Variants in LOC128462377 observed in about 807,000 individuals in gnomAD.
the LOC128462377 span, among the ~76,000 whole-genome samples, chr16:89,391,090 C>T: frequency 2.6e-5 from 4 of 151,860 alleles, no homozygotes; most frequent in Admixed American, 6.6e-5. Flanking sequence ...TAGCCGGGCG[C>T]GGTGGTGGGC....
chr16:89,381,354 A>AAAAAAAAAAAAAAAAAAAAAAAAAG, the LOC128462377 span, among the ~76,000 whole-genome samples: 4 of 125,338 alleles, frequency 3.2e-5, no homozygotes, highest in African/African-American at 1.3e-4. Context: ...AAAAAAAAAA[A>AAAAAAAAAAAAAAAAAAAAAAAAAG]GGGGTGAGAA....
the LOC128462377 span, among the ~76,000 whole-genome samples, chr16:89,390,406 G>A: frequency 6.6e-6 from 1 of 152,212 alleles, no homozygotes; most frequent in Admixed American, 6.5e-5. Flanking sequence ...AACCCCGAGT[G>A]TGGCGTGGGT....
chr16:89,335,038 A>G, the LOC128462377 span, among the ~76,000 whole-genome samples: 2 of 152,118 alleles, frequency 1.3e-5, no homozygotes, highest in Non-Finnish European at 2.9e-5. Context: ...GATGTGTGCC[A>G]TTTCCTCCAC....
At chr16:89,394,198 C>T in the LOC128462377 span, among the ~76,000 whole-genome samples, 416 of 152,326 alleles carry the variant, frequency 2.7e-3, 2 homozygotes, top group African/African-American at 9.4e-3. Context: ...AGCCTCTGAC[C>T]TGCTTCCCTC....
At chr16:89,338,177 C>T in the LOC128462377 span, among the ~76,000 whole-genome samples, 13 of 152,286 alleles carry the variant, frequency 8.5e-5, no homozygotes, top group South Asian at 4.1e-4. Context: ...TGTGCTGCCC[C>T]GAGACGCACT....
chr16:89,364,067 A>AATAC, the LOC128462377 span, among the ~76,000 whole-genome samples: 23 of 150,426 alleles, frequency 1.5e-4, no homozygotes, highest in African/African-American at 2.2e-4. Context: ...GCTGATTTAA[A>AATAC]ACACACACAC....
chr16:89,362,968 C>T, the LOC128462377 span, among the ~76,000 whole-genome samples: 509 of 151,860 alleles, frequency 3.4e-3, 2 homozygotes, highest in African/African-American at 0.012. Flanking sequence ...ATAAAAAAAC[C>T]GGACACAGCG....
At chr16:89,353,350 A>AAAAGAGAG in the LOC128462377 span, among the ~76,000 whole-genome samples, 3 of 149,460 alleles carry the variant, frequency 2.0e-5, no homozygotes, top group African/African-American at 7.4e-5. Flanking sequence ...TCCAAAAAAA[A>AAAAGAGAG]AGAGAGAGAG....
At chr16:89,323,032 C>A in the LOC128462377 span, 12 of 307,132 alleles carry the variant, frequency 3.9e-5, no homozygotes, top group Admixed American at 4.4e-4. Flanking sequence ...TCTGTGGAGT[C>A]GGGTTTCGCC....
chr16:89,318,439 T>C, the LOC128462377 span, among the ~76,000 whole-genome samples: 1 of 152,250 alleles, frequency 6.6e-6, no homozygotes, highest in Non-Finnish European at 1.5e-5. Context: ...CTCTGCCCTT[T>C]CCGCCACAGC....
the LOC128462377 span, among the ~76,000 whole-genome samples, chr16:89,334,624 G>A: frequency 6.6e-6 from 1 of 152,072 alleles, no homozygotes; most frequent in African/African-American, 2.4e-5. Flanking sequence ...AGCAAGCAGA[G>A]CCCAGCGCAG....
chr16:89,417,136 G>C, the LOC128462377 span, among the ~76,000 whole-genome samples: 1 of 152,150 alleles, frequency 6.6e-6, no homozygotes, highest in Non-Finnish European at 1.5e-5. Flanking sequence ...TCCAAGGAAA[G>C]AATTCAGTCA....
the LOC128462377 span, among the ~76,000 whole-genome samples, chr16:89,327,952 T>A: frequency 6.6e-6 from 1 of 152,210 alleles, no homozygotes; most frequent in Non-Finnish European, 1.5e-5. Flanking sequence ...AAAGACAAAC[T>A]GCAGACAGGG....
At chr16:89,349,081 T>C in the LOC128462377 span, among the ~76,000 whole-genome samples, 1 of 120,998 alleles carries the variant, frequency 8.3e-6, no homozygotes, top group Non-Finnish European at 1.6e-5. Context: ...TGAGTCTAGA[T>C]GGCACCACTG....
the LOC128462377 span, among the ~76,000 whole-genome samples, chr16:89,344,257 T>G: frequency 6.6e-6 from 1 of 152,176 alleles, no homozygotes; most frequent in African/African-American, 2.4e-5. Flanking sequence ...TTTACTTTCA[T>G]ACGTTATTTT....
At chr16:89,355,563 C>CG in the LOC128462377 span, among the ~76,000 whole-genome samples, 1 of 152,148 alleles carries the variant, frequency 6.6e-6, no homozygotes, top group Non-Finnish European at 1.5e-5. Context: ...CCAGCAGGGA[C>CG]GGCCCCAGAC....
At chr16:89,338,591 G>A in the LOC128462377 span, among the ~76,000 whole-genome samples, 1 of 151,774 alleles carries the variant, frequency 6.6e-6, no homozygotes, top group Non-Finnish European at 1.5e-5. Context: ...TGGGCGTGGT[G>A]GCATGCAACT....
chr16:89,318,606 C>A, the LOC128462377 span, among the ~76,000 whole-genome samples: 1 of 152,208 alleles, frequency 6.6e-6, no homozygotes, highest in Non-Finnish European at 1.5e-5. Context: ...CCCACCTCCA[C>A]CCCGTCAGCT....
chr16:89,406,043 G>C, the LOC128462377 span, among the ~76,000 whole-genome samples: 1 of 149,532 alleles, frequency 6.7e-6, no homozygotes, highest in South Asian at 2.1e-4. Flanking sequence ...CCCGAAGGCA[G>C]AGGCTGCAGT....
Sources: gnomAD v4.1 joint callset for allele counts (sites outside exome capture counted in the v4.1 genomes callset) on GRCh38, gnomAD v4.1.1 for gene constraint, MANE v1.5 for transcripts.